GARRE1: variants seen among roughly 807,000 people sequenced by gnomAD.
GARRE1 encodes the protein granule associated Rac and RHOG effector 1.
GARRE1 carries 49 observed loss-of-function variants against 103.2 expected under a neutral mutation model. The observed-to-expected ratio is 0.47, with a 90% CI of 0.38 to 0.60. The LOEUF (loss-of-function observed/expected upper bound fraction) is 0.60, where lower values mean the gene tolerates loss of function less well. GARRE1 is among the 20% of genes least tolerant of loss of function. The pLI, the probability that GARRE1 is intolerant of heterozygous loss-of-function variation, is 0.00. For synonymous variants in GARRE1, 505 were observed against 532.8 expected, an observed-to-expected ratio of 0.95 and a Z score of 0.72; for missense variants, 1,199 against 1,370.5, an observed-to-expected ratio of 0.87 and a Z score of 1.98.
intron 1 of GARRE1, among the ~76,000 whole-genome samples, chr19:34,266,826 GA>G (rs2073755194): frequency 1.3e-5 from 2 of 151,932 alleles, no homozygotes; most frequent in South Asian, 2.1e-4. Flanking sequence ...TCCATAGTGA[GA>G]AAAAAATTTC....
chr19:34,353,658 T>G lies in GARRE1; in HGVS notation c.*703T>G, dbSNP rs379862. ...GGACTGCGGCCTTTCCCAGCTTTATTGAAGCAGAATGGTGGAACTTGTGCC... is the reference window on the plus strand; with the variant it reads ...GGACTGCGGCCTTTCCCAGCTTTATGGAAGCAGAATGGTGGAACTTGTGCC... On this transcript the variant is annotated 3_prime_UTR_variant, in exon 14 of 14. Coordinates refer to ENST00000299505, the MANE Select transcript of GARRE1 (RefSeq NM_014686.5). The G allele has an allele frequency of 0.52, 79,066 of 152,214 alleles. 24,015 individuals carry two copies. Among genetic ancestry groups the G allele is most frequent in the African/African-American group, 0.83 (34,462 of 41,540 alleles). 9.4% of individuals were successfully genotyped at this position (152,214 alleles called of 1,614,324 possible).
In GARRE1 at chr19:34,330,366, TG is replaced by T; in HGVS notation, c.1263+21del. On this transcript the variant is annotated intron_variant, in intron 7 of 13. Coordinates refer to ENST00000299505, the MANE Select transcript of GARRE1 (RefSeq NM_014686.5). ...TGGACTGGTGAGTGAGCGTGGGTGGTGGATGATAGGTAGAATACCAAGATGT... is the reference window on the plus strand; with the variant it reads ...TGGACTGGTGAGTGAGCGTGGGTGGTGATGATAGGTAGAATACCAAGATGT... 1 of 1,613,268 alleles carries T rather than the reference TG, an allele frequency of 6.2e-7. No individual in the cohort carries two copies. Among genetic ancestry groups the T allele is most frequent in the Non-Finnish European group, 8.5e-7 (1 of 1,179,352 alleles).
intron 1 of GARRE1, among the ~76,000 whole-genome samples, chr19:34,262,199 G>C (rs1036551227): frequency 2.7e-5 from 4 of 150,338 alleles, no homozygotes; most frequent in Admixed American, 1.3e-4. Context: ...TGGCCAGGCT[G>C]GTCTTGAACT....
intron 2 of GARRE1, among the ~76,000 whole-genome samples, chr19:34,306,062 A>G (rs1051874800): frequency 5.3e-5 from 8 of 152,320 alleles, no homozygotes; most frequent in African/African-American, 1.9e-4. Flanking sequence ...ATGTACTGCC[A>G]GGGGATTTAG....
intron 2 of GARRE1, among the ~76,000 whole-genome samples, chr19:34,305,254 G>A (rs1008122550): frequency 3.3e-5 from 5 of 152,068 alleles, no homozygotes; most frequent in African/African-American, 1.2e-4. Context: ...CCAGACTACC[G>A]TCTGTACATG....
chr19:34,323,613 G>A (rs1253034217), intron 3 of GARRE1, among the ~76,000 whole-genome samples: 1 of 152,140 alleles, frequency 6.6e-6, no homozygotes, highest in East Asian at 1.9e-4. Flanking sequence ...ATTGTAGATG[G>A]CTAAGCCCTG....
intron 1 of GARRE1, among the ~76,000 whole-genome samples, chr19:34,299,401 G>A (rs1211331749): frequency 2.6e-5 from 4 of 152,148 alleles, no homozygotes; most frequent in Admixed American, 1.3e-4. Flanking sequence ...AATGCTGAAC[G>A]TGGATCCAGG....
intron 1 of GARRE1, among the ~76,000 whole-genome samples, chr19:34,271,250 T>C (rs1279510547): frequency 6.8e-6 from 1 of 147,680 alleles, no homozygotes; most frequent in Non-Finnish European, 1.5e-5. Flanking sequence ...ACTTTCTTTT[T>C]TTTTTTTTTT....
intron 1 of GARRE1, among the ~76,000 whole-genome samples, chr19:34,296,866 A>C (rs776976097): frequency 1.3e-5 from 2 of 151,440 alleles, no homozygotes; most frequent in Non-Finnish European, 2.9e-5. Context: ...CTGCTCTTAG[A>C]CTCCTGGGCT....
intron 8 of GARRE1, among the ~76,000 whole-genome samples, chr19:34,336,108 G>A (rs2074159920): frequency 6.6e-6 from 1 of 151,786 alleles, no homozygotes; most frequent in Non-Finnish European, 1.5e-5. Context: ...ATCCCACCCT[G>A]GCCTCCCAAG....
chr19:34,323,159 G>A (rs1268728613), intron 3 of GARRE1, among the ~76,000 whole-genome samples: 4 of 148,276 alleles, frequency 2.7e-5, no homozygotes, highest in Non-Finnish European at 4.4e-5. Flanking sequence ...AGCCTCCCGC[G>A]TAGCTGGGAC....
Position 34,300,849 on chromosome 19 carries a change from G to C in GARRE1, c.376G>C (p.Glu126Gln), listed in dbSNP as rs1219535806. 10 of 1,613,900 alleles carry C rather than the reference G, an allele frequency of 6.2e-6. No homozygotes were observed. The highest frequency in any genetic ancestry group is 8.5e-6 in the Non-Finnish European group (10 of 1,180,058). ...CAAAGATGTGCAGGAGCATGTCATG[G>C]AAGCAGCCAGTCGGCTGACCTCGGC... ...QLKDVQEHVM[E>Q]AASRLTSAIK... The change falls in exon 2 of 14, where the codon GAA (glutamate) becomes CAA (glutamine). Residue 126 changes from glutamate to glutamine, a missense_variant. Glu to Gln is a conservative substitution (Grantham distance 29). Coordinates refer to ENST00000299505, the MANE Select transcript of GARRE1 (RefSeq NM_014686.5).
chr19:34,296,191 C>A, intron 1 of GARRE1: 2 of 455,562 alleles, frequency 4.4e-6, no homozygotes, highest in East Asian at 3.2e-5. Context: ...GTACAAATAG[C>A]ACAGGAGGAT....
chr19:34,286,533 CTT>C (rs34242130), intron 1 of GARRE1, among the ~76,000 whole-genome samples: 15 of 105,692 alleles, frequency 1.4e-4, no homozygotes, highest in South Asian at 3.1e-4. Context: ...TTTCTGTATT[CTT>C]TTTTTTTTTT....
intron 6 of GARRE1, among the ~76,000 whole-genome samples, chr19:34,328,385 C>T (rs1568307674): frequency 6.6e-6 from 1 of 151,644 alleles, no homozygotes; most frequent in African/African-American, 2.4e-5. Context: ...AAAAATCAGC[C>T]GGGTACGGTG....
At chr19:34,325,720 C>G (rs1256133481) in intron 3 of GARRE1, among the ~76,000 whole-genome samples, 1 of 152,208 alleles carries the variant, frequency 6.6e-6, no homozygotes, top group Non-Finnish European at 1.5e-5. Context: ...CACGACCTGC[C>G]TAGACCTGCC....
chr19:34,344,705 C>G (rs1242431187), intron 10 of GARRE1, among the ~76,000 whole-genome samples: 1 of 151,844 alleles, frequency 6.6e-6, no homozygotes, highest in Non-Finnish European at 1.5e-5. Context: ...CAGAGTCTCA[C>G]GTTGTTGCCC....
intron 1 of GARRE1, among the ~76,000 whole-genome samples, chr19:34,291,704 C>G (rs1003697608): frequency 1.3e-5 from 2 of 152,192 alleles, no homozygotes; most frequent in African/African-American, 4.8e-5. Flanking sequence ...TTACAGGTCT[C>G]ACGTCTATAC....
chr19:34,308,137 A>G (rs1401983255), intron 2 of GARRE1, among the ~76,000 whole-genome samples: 1 of 151,980 alleles, frequency 6.6e-6, no homozygotes, highest in East Asian at 1.9e-4. Context: ...ATAGATATAT[A>G]CCAGAAATAT....
Sources: allele counts gnomAD v4.1 joint callset (sites outside exome capture counted in the v4.1 genomes callset), GRCh38; gene constraint gnomAD v4.1.1; transcripts MANE v1.5; gene names NCBI Gene and HGNC (gene_info 2026-07-23, HGNC 2026-07-21).